RAPGEF1: variants seen among roughly 807,000 people sequenced by gnomAD.
RAPGEF1 encodes the protein CRK SH3-binding GNRP.
A neutral mutation model predicts 143.3 loss-of-function variants in RAPGEF1; 33 were observed. That is an observed-to-expected ratio of 0.23 (90% CI 0.17 to 0.31). The LOEUF is 0.31. Among genes scored for constraint, RAPGEF1 ranks in the 10% least tolerant of loss-of-function variants. The probability of loss-of-function intolerance (pLI) is 1.00; values close to 1 mark genes in which losing one functional copy is unlikely to be tolerated. For missense variants in RAPGEF1, 1,199 were observed against 1,645.4 expected (o/e 0.73, Z 4.69); for synonymous variants, 629 against 676.5 (o/e 0.93, Z 1.09).
intron 12 of RAPGEF1, among the ~76,000 whole-genome samples, chr9:131,615,012 A>T (rs1349747300): frequency 6.6e-6 from 1 of 152,240 alleles, no homozygotes; most frequent in Non-Finnish European, 1.5e-5. Context: ...GAGAGTAAAT[A>T]CCCATAACTT....
chr9:131,590,374 T>G (rs1298009747), intron 18 of RAPGEF1, among the ~76,000 whole-genome samples: 3 of 152,072 alleles, frequency 2.0e-5, no homozygotes, highest in African/African-American at 4.8e-5. Context: ...CCTAGGCAGG[T>G]GTGTAGGCCA....
At chr9:131,587,507 C>T (rs1953354688) in intron 22 of RAPGEF1, among the ~76,000 whole-genome samples, 1 of 152,242 alleles carries the variant, frequency 6.6e-6, no homozygotes, top group Non-Finnish European at 1.5e-5. Flanking sequence ...GACCCTGGCA[C>T]TCTTCCCTGC....
chr9:131,667,788 G>A lies in RAPGEF1; in HGVS notation c.62-16839C>T, dbSNP rs1408349096. 2.0e-5 allele frequency among the ~76,000 whole-genome samples: 3 copies of A among 152,186 alleles called. No homozygotes were observed. Among genetic ancestry groups the A allele is most frequent in the African/African-American group, 7.2e-5 (3 of 41,432 alleles). ...AGGCCGTCATCTTGTGTGATGCTGA[G>A]TCAGCTGGCCTCCCTGGGGCTTGCT... On this transcript the variant is annotated intron_variant, in intron 1 of 26. Coordinates refer to ENST00000683357, the MANE Select transcript of RAPGEF1 (RefSeq NM_001377935.1). This position sits in a 1 kb window ranked among gnomAD's most constrained non-coding sequence, Gnocchi z 4.6.
chr9:131,650,142 G>C lies in RAPGEF1; in HGVS notation c.302C>G (p.Ser101Cys). Residue 101 changes from serine (S) to cysteine (C), a missense_variant, in exon 3 of 27, where the codon TCT (serine) becomes TGT (cysteine). Coordinates refer to ENST00000683357, the MANE Select transcript of RAPGEF1 (RefSeq NM_001377935.1). The surrounding 1 kb of genome is among the most constrained non-coding windows in gnomAD (Gnocchi z 4.7). ...FMSTSAVASR[S>C]QRQKNLSWLE... Reference sequence around the variant, plus strand: ...TGTTACACTGACCTTCTGCCTTTGAGACCTGGAAGCCACAGCACTGGTGGA... The same window carrying C: ...TGTTACACTGACCTTCTGCCTTTGACACCTGGAAGCCACAGCACTGGTGGA... 1 of 1,612,730 alleles carries C rather than the reference G, an allele frequency of 6.2e-7. No individual in the cohort carries two copies. Among genetic ancestry groups the C allele is most frequent in the Non-Finnish European group, 8.5e-7 (1 of 1,178,884 alleles).
At chr9:131,639,959 G>A (rs145194737) in intron 4 of RAPGEF1, among the ~76,000 whole-genome samples, 26 of 152,298 alleles carry the variant, frequency 1.7e-4, no homozygotes, top group African/African-American at 6.3e-4. Context: ...CACTCTGCAT[G>A]TTCCAACAGG....
At chr9:131,618,186 G>T (rs1382438139) in intron 12 of RAPGEF1, among the ~76,000 whole-genome samples, 2 of 152,252 alleles carry the variant, frequency 1.3e-5, no homozygotes, top group Non-Finnish European at 2.9e-5. Context: ...GAGGCCCTAA[G>T]GGGCCTTGCA....
chr9:131,686,928 G>A (rs894008674), intron 1 of RAPGEF1, among the ~76,000 whole-genome samples: 3 of 152,208 alleles, frequency 2.0e-5, no homozygotes, highest in Admixed American at 6.5e-5. Context: ...CTATGATAGC[G>A]TTCTGATGAA....
At chr9:131,736,856 C>T (rs1367100843) in intron 1 of RAPGEF1, among the ~76,000 whole-genome samples, 1 of 152,188 alleles carries the variant, frequency 6.6e-6, no homozygotes, top group African/African-American at 2.4e-5. Context: ...AATTGTTTGC[C>T]TGGTGTCAGG....
intron 1 of RAPGEF1, among the ~76,000 whole-genome samples, chr9:131,717,064 C>G (rs1564197766): frequency 6.6e-6 from 1 of 152,186 alleles, no homozygotes; most frequent in Non-Finnish European, 1.5e-5. Context: ...TCGGGTCCCA[C>G]AGCCTCTGCT....
In RAPGEF1 at chr9:131,638,730, A is replaced by T; in HGVS notation, c.556T>A (p.Ser186Thr). ...ACGCCTTCCAGCATCACTTGGTCAG[A>T]CCAGCGAATGAGGTTGGCGAGGCTT... ...YQSLANLIRW[S>T]DQVMLEGVNS... Residue 186 changes from serine (S) to threonine (T), a missense_variant, in exon 5 of 27, where the codon TCT becomes ACT. This residue lies in a region of RAPGEF1 where 613 missense variants were observed against 710.9 expected (regional missense o/e 0.86). Coordinates refer to ENST00000683357, the MANE Select transcript of RAPGEF1 (RefSeq NM_001377935.1). The T allele has an allele frequency of 6.2e-7, 1 of 1,614,034 alleles. No homozygotes were observed. Among genetic ancestry groups the T allele is most frequent in the Non-Finnish European group, 8.5e-7 (1 of 1,179,892 alleles).
intron 15 of RAPGEF1, among the ~76,000 whole-genome samples, chr9:131,599,143 G>C (rs1344364173): frequency 8.5e-6 from 1 of 117,456 alleles, no homozygotes; most frequent in South Asian, 2.6e-4. Context: ...TTTTTTTTTT[G>C]AGACAGAGTC....
chr9:131,721,912 G>C (rs1364677286), intron 1 of RAPGEF1, among the ~76,000 whole-genome samples: 3 of 152,166 alleles, frequency 2.0e-5, no homozygotes, highest in Non-Finnish European at 4.4e-5. Context: ...TCAGGGACTT[G>C]AGCATCTGTG....
In RAPGEF1 at chr9:131,628,424, G is replaced by T; in HGVS notation, c.1017+125C>A. ...GAGAGAGGGATGGGTACAAGGTCTC[G>T]CACTCCTCGATGTGACAAACACCAG... On this transcript the variant is annotated intron_variant, in intron 8 of 26. Coordinates refer to ENST00000683357, the MANE Select transcript of RAPGEF1 (RefSeq NM_001377935.1). This position sits in a 1 kb window ranked among gnomAD's most constrained non-coding sequence, Gnocchi z 5.7. The T allele has an allele frequency of 7.7e-7, 1 of 1,300,294 alleles. No individual in the cohort carries two copies. The highest frequency in any genetic ancestry group is 1.1e-6 in the Non-Finnish European group (1 of 950,266). 80.5% of individuals were successfully genotyped at this position (1,300,294 alleles called of 1,614,324 possible).
intron 3 of RAPGEF1, among the ~76,000 whole-genome samples, chr9:131,649,623 G>C (rs1055327652): frequency 3.3e-5 from 5 of 152,126 alleles, no homozygotes; most frequent in Non-Finnish European, 2.9e-5. Flanking sequence ...CACATGTAAA[G>C]CACTCAGCAC....
chr9:131,658,754 C>G (rs1237920033), intron 1 of RAPGEF1, among the ~76,000 whole-genome samples: 1 of 152,152 alleles, frequency 6.6e-6, no homozygotes, highest in African/African-American at 2.4e-5. Context: ...CAAAGCCAAC[C>G]CAATTTCTTC....
chr9:131,625,617 C>T (rs1347286748), intron 10 of RAPGEF1, among the ~76,000 whole-genome samples: 1 of 152,240 alleles, frequency 6.6e-6, no homozygotes, highest in Non-Finnish European at 1.5e-5. Context: ...TCGTTCCCCT[C>T]TGTCACTGTG....
chr9:131,628,634 G>A lies in RAPGEF1; in HGVS notation c.932C>T (p.Ala311Val), dbSNP rs376984562. ...CACAGCCACTCGGGTAGGGGACGGCGCCGACTGTCTTTTCTTGGGTGGCAA... is the reference window on the plus strand; with the variant it reads ...CACAGCCACTCGGGTAGGGGACGGCACCGACTGTCTTTTCTTGGGTGGCAA... ...PALPPKKRQSAPSPTRVAVVA... is the reference protein window; with the variant it reads ...PALPPKKRQSVPSPTRVAVVA... The change falls in exon 8 of 27, where the codon GCG (alanine) becomes GTG (valine). Residue 311 changes from alanine to valine, a missense_variant. By Grantham distance (64) the Ala-to-Val change is moderately conservative. This residue lies in a region of RAPGEF1 where 613 missense variants were observed against 710.9 expected (regional missense o/e 0.86). Coordinates refer to ENST00000683357, the MANE Select transcript of RAPGEF1 (RefSeq NM_001377935.1). The surrounding 1 kb of genome is among the most constrained non-coding windows in gnomAD (Gnocchi z 5.7). 3.4e-5 allele frequency: 55 copies of A among 1,610,586 alleles called. No homozygotes were observed. Among genetic ancestry groups the A allele is most frequent in the African/African-American group, 6.7e-5 (5 of 74,856 alleles).
At chr9:131,592,022 G>T in intron 18 of RAPGEF1, 77 bp downstream of exon 18, 1 of 1,145,048 alleles carries the variant, frequency 8.7e-7, no homozygotes, top group Non-Finnish European at 1.3e-6. Context: ...CCCCCACGAG[G>T]ACTGAAGGGC....
In RAPGEF1 at chr9:131,655,827, T is replaced by C. The variant is rs1972314321; in HGVS notation, c.62-4878A>G. 6.6e-6 allele frequency among the ~76,000 whole-genome samples: 1 copy of C among 152,152 alleles called. No individual in the cohort carries two copies. The highest frequency in any genetic ancestry group is 2.1e-4 in the South Asian group (1 of 4,834). On this transcript the variant is annotated intron_variant, in intron 1 of 26. Coordinates refer to ENST00000683357, the MANE Select transcript of RAPGEF1 (RefSeq NM_001377935.1). This position sits in a 1 kb window ranked among gnomAD's most constrained non-coding sequence, Gnocchi z 4.1. ...TGGTCTCGATCTCCTGACCTCGTGA[T>C]CCACCTGCCTTGGCCTCCCAAAGTG...
Sources: gnomAD v4.1 joint callset for allele counts (sites outside exome capture counted in the v4.1 genomes callset) on GRCh38, gnomAD v4.1.1 for gene constraint, gnomAD v4.1.1 regional missense constraint, Gnocchi (gnomAD v3.1) non-coding constraint, MANE v1.5 for transcripts, NCBI Gene and HGNC (gene_info 2026-07-23, HGNC 2026-07-21) for gene names.